SPINK13: variants seen among roughly 807,000 people sequenced by gnomAD.
SPINK13 encodes the protein serine peptidase inhibitor Kazal type 13.
SPINK13 carries 11 observed loss-of-function variants against 11.0 expected under a neutral mutation model. The observed-to-expected ratio is 1.00, with a 90% CI of 0.63 to 1.65. The LOEUF is 1.65. SPINK13 is among the 40% of genes most tolerant of loss of function. SPINK13 has a pLI of 0.00. For missense variants in SPINK13, 113 were observed against 117.7 expected, an observed-to-expected ratio of 0.96 and a Z score of 0.19; for synonymous variants, 31 against 35.6, an observed-to-expected ratio of 0.87 and a Z score of 0.46.
At chr5:148,285,816 T>A in intron 4 of SPINK13, among the ~76,000 whole-genome samples, 184 bp from the exon 5 acceptor site, 1 of 149,344 alleles carries the variant, frequency 6.7e-6, no homozygotes, top group Non-Finnish European at 1.5e-5. Flanking sequence ...AATCAAGACA[T>A]GGAGAAAGAA....
chr5:148,270,985 C>G (rs1397369481), intron 2 of SPINK13: 3 of 152,200 alleles, frequency 2.0e-5, no homozygotes, highest in Non-Finnish European at 4.4e-5. Context: ...TTTAGGACTT[C>G]TCACCTCCAG....
intron 3 of SPINK13, among the ~76,000 whole-genome samples, chr5:148,278,254 T>G (rs886250341): frequency 6.6e-6 from 1 of 152,224 alleles, no homozygotes; most frequent in Non-Finnish European, 1.5e-5. Flanking sequence ...AAGGGGTTTT[T>G]GAGTCTCTAT....
rs1222573407 is a variant in SPINK13, at chr5:148,275,207, TC to T, written c.108+826del. 5.3e-5 allele frequency among the ~76,000 whole-genome samples: 8 copies of T among 152,212 alleles called. No homozygotes were observed. The South Asian group carries it at 1.4e-3, about 28-fold the overall frequency. On this transcript the variant is annotated intron_variant, in intron 3 of 4. Transcript: ENST00000398450. ...TGTTCATGTGTTCTCATTGTTCAAC[TC>T]CCACTTATGAGTGAGAACATATGGT...
Position 148,280,471 on chromosome 5 carries a change from C to T in SPINK13, c.109-1633C>T, listed in dbSNP as rs1285383160. 3.9e-5 allele frequency among the ~76,000 whole-genome samples: 6 copies of T among 152,178 alleles called. No homozygotes were observed. In the South Asian group the frequency reaches 6.2e-4, roughly 16 times the overall value. On this transcript the variant is annotated intron_variant, in intron 3 of 4. Coordinates refer to ENST00000398450, the MANE Select transcript of SPINK13 (RefSeq NM_001040129.3). ...TGGAGACCTTCAGATCGAGTTTTTG[C>T]GTGGTCATCCTTTCTGTTGATGTTG... is the stretch of plus-strand genomic sequence containing the variant.
intron 2 of SPINK13, among the ~76,000 whole-genome samples, chr5:148,272,301 T>C (rs1756362765): frequency 6.6e-6 from 1 of 152,194 alleles, no homozygotes. Context: ...TAGAAGATAA[T>C]GCCAGATGGT....
intron 3 of SPINK13, among the ~76,000 whole-genome samples, chr5:148,281,691 G>A (rs1756518700): frequency 6.6e-6 from 1 of 152,168 alleles, no homozygotes; most frequent in Admixed American, 6.5e-5. Context: ...CTTCTGCATT[G>A]GTCTCACTGG....
rs1367475523 is a variant in SPINK13, at chr5:148,286,035, G to A, written c.272G>A (p.Gly91Glu). The change falls in exon 5 of 5, where the codon GGA becomes GAA. Residue 91 changes from glycine to glutamate, a missense_variant. Physicochemically the swap from Gly to Glu is moderately conservative, Grantham distance 98 (BLOSUM62 -2). Transcript: ENST00000398450. ...FHYRIKFEKY[G>E]KCD ...TATCGTATAAAATTTGAAAAATATGGAAAATGTGATTAATGGGTACCAGAG... is the reference window on the plus strand; with the variant it reads ...TATCGTATAAAATTTGAAAAATATGAAAAATGTGATTAATGGGTACCAGAG... 6.8e-7 allele frequency: 1 copy of A among 1,461,192 alleles called. No homozygotes were observed. 90.5% of individuals were successfully genotyped at this position (1,461,192 alleles called of 1,614,324 possible).
intron 3 of SPINK13, among the ~76,000 whole-genome samples, chr5:148,281,605 T>G (rs111579439): frequency 1.3e-5 from 2 of 152,288 alleles, no homozygotes; most frequent in African/African-American, 4.8e-5. Flanking sequence ...TTACCCTCCG[T>G]GGGCTGTACC....
intron 3 of SPINK13, among the ~76,000 whole-genome samples, chr5:148,277,477 T>G (rs1289846490): frequency 6.6e-6 from 1 of 152,254 alleles, no homozygotes; most frequent in Admixed American, 6.5e-5. Flanking sequence ...TTGAGTGTTT[T>G]TAGCATGAAG....
At chr5:148,281,692 G>C (rs949634008) in intron 3 of SPINK13, among the ~76,000 whole-genome samples, 1 of 152,170 alleles carries the variant, frequency 6.6e-6, no homozygotes, top group South Asian at 2.1e-4. Context: ...TTCTGCATTG[G>C]TCTCACTGGG....
At chr5:148,279,981 C>A (rs1397858911) in intron 3 of SPINK13, among the ~76,000 whole-genome samples, 1 of 152,096 alleles carries the variant, frequency 6.6e-6, no homozygotes, top group Non-Finnish European at 1.5e-5. Flanking sequence ...TTGTTCATTC[C>A]TTTTCATCCT....
intron 4 of SPINK13, among the ~76,000 whole-genome samples, chr5:148,285,696 T>C (rs1002491431): frequency 6.6e-6 from 1 of 152,030 alleles, no homozygotes; most frequent in Non-Finnish European, 1.5e-5. Context: ...TTTTACCTCT[T>C]GGTAAAAAAA....
chr5:148,282,250 G>T lies in SPINK13; in HGVS notation c.236+19G>T, dbSNP rs1756527496. 1.2e-6 allele frequency: 2 copies of T among 1,612,472 alleles called. No individual in the cohort carries two copies. Among genetic ancestry groups the T allele is most frequent in the South Asian group, 2.2e-5 (2 of 91,002 alleles). On this transcript the variant is annotated intron_variant, in intron 4 of 4. Coordinates refer to ENST00000398450, the MANE Select transcript of SPINK13 (RefSeq NM_001040129.3). ...AACAGAGGTAAGTTCAGAATAAAAT[G>T]CCATTATTTTTTCCCTCTACTTCTT...
At chr5:148,278,263 A>G (rs1459463308) in intron 3 of SPINK13, among the ~76,000 whole-genome samples, 2 of 152,098 alleles carry the variant, frequency 1.3e-5, no homozygotes, top group Non-Finnish European at 2.9e-5. Context: ...TTGAGTCTCT[A>G]TCGCCTTCAG....
chr5:148,272,344 T>C lies in SPINK13; in HGVS notation c.71-2003T>C, dbSNP rs180779048. ...AGTTACTGCATGAACTAATAACTTT[T>C]CATTAGAAAATTAAAATTTAAAAAA... On this transcript the variant is annotated intron_variant, in intron 2 of 4. Transcript: ENST00000398450. 1.2e-4 allele frequency among the ~76,000 whole-genome samples: 19 copies of C among 152,294 alleles called. No homozygotes were observed. The East Asian group carries it at 3.5e-3, about 28-fold the overall frequency.
intron 4 of SPINK13, 77 bp from the exon 5 acceptor site, chr5:148,285,923 A>G: frequency 1.2e-6 from 1 of 831,184 alleles, no homozygotes; most frequent in Non-Finnish European, 1.9e-6. Flanking sequence ...CTCTTTTAGA[A>G]GATAAGGAAA....
chr5:148,277,824 C>T (rs1012255000), intron 3 of SPINK13, among the ~76,000 whole-genome samples: 3 of 151,996 alleles, frequency 2.0e-5, no homozygotes, highest in Admixed American at 1.3e-4. Flanking sequence ...TTTTCTATTG[C>T]TTGGAATAGT....
chr5:148,274,156 T>C (rs1756389883), intron 2 of SPINK13, among the ~76,000 whole-genome samples, 191 bp from the exon 3 acceptor site: 1 of 152,184 alleles, frequency 6.6e-6, no homozygotes, highest in East Asian at 1.9e-4. Context: ...AAATCAATAC[T>C]GTGAAAAAGA....
chr5:148,276,118 A>G (rs1390874030), intron 3 of SPINK13, among the ~76,000 whole-genome samples: 1 of 152,118 alleles, frequency 6.6e-6, no homozygotes, highest in Non-Finnish European at 1.5e-5. Flanking sequence ...GTCTGTTCAT[A>G]TCCTTCACCC....
Sources: gnomAD v4.1 joint callset for allele counts (sites outside exome capture counted in the v4.1 genomes callset) on GRCh38, gnomAD v4.1.1 for gene constraint, MANE v1.5 for transcripts, NCBI Gene and HGNC (gene_info 2026-07-23, HGNC 2026-07-21) for gene names.